Variants in SLMAP observed in about 807,000 individuals in gnomAD.
The protein encoded by SLMAP is sarcolemmal membrane-associated protein.
Under a neutral mutation model 128.8 loss-of-function variants are expected in SLMAP, and 44 were observed. That is an observed-to-expected ratio of 0.34 (90% CI 0.27 to 0.44). The LOEUF is 0.44. Ranked by LOEUF, SLMAP falls within the 20% of genes least tolerant of loss-of-function variation. SLMAP has a pLI of 1.00. For synonymous variants in SLMAP, 327 were observed against 348.8 expected (o/e 0.94, Z 0.70); for missense variants, 787 against 985.3 (o/e 0.80, Z 2.69).
At chr3:57,865,901 T>C (rs2153606741) in intron 13 of SLMAP, among the ~76,000 whole-genome samples, 1 of 152,270 alleles carries the variant, frequency 6.6e-6, no homozygotes, top group East Asian at 1.9e-4. Flanking sequence ...TCTATTATCC[T>C]TCAGTCTTGA....
In SLMAP at chr3:57,756,639, C is replaced by G. The variant is rs956278451; in HGVS notation, c.-1013C>G. The G allele has an allele frequency of 2.0e-5, 3 of 152,284 alleles. No individual in the cohort carries two copies. Among genetic ancestry groups the G allele is most frequent in the Admixed American group, 1.3e-4 (2 of 15,286 alleles). 9.4% of individuals were successfully genotyped at this position (152,284 alleles called of 1,614,324 possible). On this transcript the variant is annotated 5_prime_UTR_variant, in exon 2 of 25. Transcript: ENST00000671191. ...CTGCGGCGGATCCAGCCCGGGGCCT[C>G]AAGGCCTCTCCCCAACCTCCGGGCC...
chr3:57,816,256 G>A (rs1309148148), intron 2 of SLMAP, among the ~76,000 whole-genome samples: 1 of 152,030 alleles, frequency 6.6e-6, no homozygotes, highest in African/African-American at 2.4e-5. Context: ...TTATTCTCCT[G>A]CCTCAGCCCC....
chr3:57,910,875 G>T (rs925019789), intron 19 of SLMAP, among the ~76,000 whole-genome samples: 1 of 152,168 alleles, frequency 6.6e-6, no homozygotes, highest in Non-Finnish European at 1.5e-5. Context: ...CGAGGCCCAA[G>T]ATACTTGCCC....
intron 4 of SLMAP, among the ~76,000 whole-genome samples, chr3:57,846,106 C>T (rs1354421287): frequency 1.3e-5 from 2 of 152,176 alleles, no homozygotes; most frequent in Non-Finnish European, 2.9e-5. Flanking sequence ...TCCCAAAGTC[C>T]TGGGATTACA....
chr3:57,872,163 G>A (rs561435303), intron 14 of SLMAP, among the ~76,000 whole-genome samples: 5 of 152,282 alleles, frequency 3.3e-5, no homozygotes, highest in South Asian at 2.1e-4. Flanking sequence ...GAGGCCAGGC[G>A]TGGTGGCGCA....
At chr3:57,871,996 A>C (rs1311168483) in intron 14 of SLMAP, among the ~76,000 whole-genome samples, 2 of 152,226 alleles carry the variant, frequency 1.3e-5, no homozygotes, top group Non-Finnish European at 2.9e-5. Context: ...ATGAAGCCAG[A>C]AAAATAATTA....
At chr3:57,822,399 C>T (rs977493240) in intron 2 of SLMAP, among the ~76,000 whole-genome samples, 14 of 152,086 alleles carry the variant, frequency 9.2e-5, no homozygotes, top group East Asian at 3.9e-4. Flanking sequence ...TCTGATGCCA[C>T]GGAAAAAGGT....
chr3:57,916,645 A>G (rs899133844), intron 21 of SLMAP, among the ~76,000 whole-genome samples: 46 of 152,376 alleles, frequency 3.0e-4, no homozygotes, highest in African/African-American at 1.0e-3. Context: ...ACAACAAAAT[A>G]TACAGTTAAT....
At position 57,803,230 on chromosome 3, in the gene SLMAP, A is replaced by G. The variant is rs370834566; in HGVS notation, c.199-28153A>G. Among the ~76,000 whole-genome samples the G allele has an allele frequency of 2.0e-5, 3 of 152,166 alleles. No homozygotes were observed. In the East Asian group the frequency reaches 5.8e-4, roughly 29 times the overall value. Reference sequence around the variant, plus strand: ...TTCATTAGGATAGAAACATGAGTATATACTCATGTTTCCAGTATTAAAAAA... The same window carrying G: ...TTCATTAGGATAGAAACATGAGTATGTACTCATGTTTCCAGTATTAAAAAA... On this transcript the variant is annotated intron_variant, in intron 2 of 24. Coordinates refer to ENST00000671191, the MANE Select transcript of SLMAP (RefSeq NM_001377540.1).
chr3:57,859,305 A>G (rs1476048322), intron 8 of SLMAP, among the ~76,000 whole-genome samples: 1 of 149,238 alleles, frequency 6.7e-6, no homozygotes, highest in Non-Finnish European at 1.5e-5. Flanking sequence ...CCTGGGCGAC[A>G]GAGCGAGACT....
At chr3:57,791,309 G>A (rs1348626348) in intron 2 of SLMAP, among the ~76,000 whole-genome samples, 3 of 151,728 alleles carry the variant, frequency 2.0e-5, no homozygotes, top group Admixed American at 6.6e-5. Context: ...GCAGTGAGCC[G>A]AGACTGCACC....
chr3:57,808,998 A>T lies in SLMAP; in HGVS notation c.199-22385A>T, dbSNP rs189012240. 8.2e-4 allele frequency among the ~76,000 whole-genome samples: 124 copies of T among 152,108 alleles called. 2 individuals carry two copies. Among genetic ancestry groups the T allele is most frequent in the East Asian group, 1.2e-3 (6 of 5,170 alleles). ...CTCTTCTTGTTGAATTGATCCCTCT[A>T]CCATTACGTAATGCCCTTCTTTGTC... On this transcript the variant is annotated intron_variant, in intron 2 of 24. Coordinates refer to ENST00000671191, the MANE Select transcript of SLMAP (RefSeq NM_001377540.1).
intron 2 of SLMAP, among the ~76,000 whole-genome samples, chr3:57,804,633 T>G (rs528744257): frequency 1.3e-5 from 2 of 152,084 alleles, no homozygotes; most frequent in Admixed American, 1.3e-4. Flanking sequence ...TAGTCCCAGC[T>G]ACCTGGGAGG....
At chr3:57,762,765 G>C (rs2078948457) in intron 2 of SLMAP, among the ~76,000 whole-genome samples, 1 of 147,168 alleles carries the variant, frequency 6.8e-6, no homozygotes, top group African/African-American at 2.6e-5. Context: ...TCCCAGGCTG[G>C]AGTGCAGTGG....
Position 57,799,450 on chromosome 3 carries a change from T to C in SLMAP, c.199-31933T>C, listed in dbSNP as rs78460896. On this transcript the variant is annotated intron_variant, in intron 2 of 24. Transcript: ENST00000671191. ...AGAGATGTAACTCAGTGCCTCCAAA[T>C]TCCCCACGTTTACTTTTTGTATCTT... Among the ~76,000 whole-genome samples the C allele has an allele frequency of 1.7e-3, 265 of 152,342 alleles. 1 individual carries two copies. Among genetic ancestry groups the C allele is most frequent in the African/African-American group, 6.1e-3 (254 of 41,586 alleles).
rs186841161 is a variant in SLMAP, at chr3:57,876,769, G to A, written c.1300+5071G>A. Among the ~76,000 whole-genome samples the A allele has an allele frequency of 3.3e-5, 5 of 152,306 alleles. No individual in the cohort carries two copies. The South Asian group carries it at 8.3e-4, about 25-fold the overall frequency. ...TCTGTCACTTGATTAACTTGTACGC[G>A]TGGTGGAAAGATGAAGGGTGAAAGG... On this transcript the variant is annotated intron_variant, in intron 14 of 24. Transcript: ENST00000671191.
chr3:57,907,263 G>A (rs1041905673), intron 17 of SLMAP, among the ~76,000 whole-genome samples: 5 of 152,092 alleles, frequency 3.3e-5, no homozygotes, highest in African/African-American at 7.2e-5. Flanking sequence ...TCCTGACCTC[G>A]TGATCCGCCT....
rs1054390406 is a variant in SLMAP at position 57,928,759 on chromosome 3, G to T, written c.*1470G>T. On this transcript the variant is annotated 3_prime_UTR_variant, in exon 25 of 25. Transcript: ENST00000671191. The stretch of plus-strand genomic sequence containing the variant: ...CCAAATATTGAAATAGGAGTTTAGG[G>T]TATAATTTGCCTTGTGATGTTTGGC... 2.0e-5 allele frequency: 3 copies of T among 152,188 alleles called. No individual in the cohort carries two copies. Among genetic ancestry groups the T allele is most frequent in the Admixed American group, 2.0e-4 (3 of 15,252 alleles). 9.4% of individuals were successfully genotyped at this position (152,188 alleles called of 1,614,324 possible). A position where few individuals can be genotyped will look rare whatever the true frequency, so the allele number is the denominator to read the frequency against.
Position 57,837,873 on chromosome 3 carries a change from T to G in SLMAP, c.347-3426T>G, listed in dbSNP as rs542721958. Among the ~76,000 whole-genome samples, 4 of 152,364 alleles carry G rather than the reference T, an allele frequency of 2.6e-5. No homozygotes were observed. The East Asian group carries it at 7.7e-4, about 29-fold the overall frequency. ...CATGTCTATGCATGTGTGTATCTGG[T>G]TGTCATGAGAATCACATTAAAGGCA... is the stretch of plus-strand genomic sequence containing the variant. On this transcript the variant is annotated intron_variant, in intron 3 of 24. Coordinates refer to ENST00000671191, the MANE Select transcript of SLMAP (RefSeq NM_001377540.1).
Sources: gnomAD v4.1 joint callset for allele counts (sites outside exome capture counted in the v4.1 genomes callset) on GRCh38, gnomAD v4.1.1 for gene constraint, MANE v1.5 for transcripts, NCBI Gene and HGNC (gene_info 2026-07-23, HGNC 2026-07-21) for gene names.